VTI1B: variants seen among roughly 807,000 people sequenced by gnomAD.
The protein encoded by VTI1B is vesicle transport through interaction with t-SNAREs 1B, also known as vesicle transport through interaction with t-SNAREs homolog 1B.
A neutral mutation model predicts 28.6 loss-of-function variants in VTI1B; 18 were observed. That is an observed-to-expected ratio of 0.63 (90% CI 0.43 to 0.93). The LOEUF (loss-of-function observed/expected upper bound fraction) is 0.93, where lower values mean the gene tolerates loss of function less well. Ranked by LOEUF, VTI1B falls within the 40% of genes least tolerant of loss-of-function variation. The pLI is 0.00. For missense variants in VTI1B, 283 were observed against 297.0 expected (o/e 0.95, Z 0.35); for synonymous variants, 100 against 107.9 (o/e 0.93, Z 0.46).
At chr14:67,672,447 C>CTT (rs764198286) in intron 1 of VTI1B, among the ~76,000 whole-genome samples, 26,560 of 116,636 alleles carry the variant, frequency 0.23, 3,502 homozygotes, top group Non-Finnish European at 0.31. Flanking sequence ...CTTTTCTTTT[C>CTT]TTTTTTTTTT....
At chr14:67,665,259 C>CT (rs574618223) in intron 1 of VTI1B, among the ~76,000 whole-genome samples, 57,606 of 126,302 alleles carry the variant, frequency 0.46, 15,047 homozygotes, top group Non-Finnish European at 0.6. Context: ...TCAGTTATAT[C>CT]TTTTTTTTTT....
At chr14:67,673,094 TA>T (rs1471883917) in intron 1 of VTI1B, among the ~76,000 whole-genome samples, 2 of 152,182 alleles carry the variant, frequency 1.3e-5, no homozygotes, top group Non-Finnish European at 2.9e-5. Context: ...CCGCCCTATT[TA>T]AAACTGAAGT....
At position 67,662,614 on chromosome 14, in the gene VTI1B, A is replaced by G. The variant is rs1326002826; in HGVS notation, c.116-79T>C. 6 of 1,314,750 alleles carry G rather than the reference A, an allele frequency of 4.6e-6. No homozygotes were observed. The South Asian group carries it at 6.5e-5, about 14-fold the overall frequency. The allele number at this position is 1,314,750 out of a possible 1,614,324, so 81.4% of individuals were successfully genotyped here. ...AAGGCCATTCCCTCTGCTTCGAATA[A>G]GCTTCCTATGGCAGGGCCTGGTGGC... On this transcript the variant is annotated intron_variant, in intron 1 of 5. Coordinates refer to ENST00000554659, the MANE Select transcript of VTI1B (RefSeq NM_006370.3).
intron 1 of VTI1B, among the ~76,000 whole-genome samples, chr14:67,674,161 C>A (rs1366576774): frequency 6.6e-6 from 1 of 152,208 alleles, no homozygotes; most frequent in Non-Finnish European, 1.5e-5. Flanking sequence ...ATGTGGAAGG[C>A]CATAGAAGGA....
At position 67,674,620 on chromosome 14, in the gene VTI1B, C is replaced by T. The variant is rs963591349; in HGVS notation, c.-131G>A. On this transcript the variant is annotated 5_prime_UTR_variant, in exon 1 of 6. Coordinates refer to ENST00000554659, the MANE Select transcript of VTI1B (RefSeq NM_006370.3). Reference sequence around the variant, plus strand: ...CACCACCGCCGCCCAGGACGAGGCTCTTCCGGAGCCGCGGCAGGGTCCTCT... The same window carrying T: ...CACCACCGCCGCCCAGGACGAGGCTTTTCCGGAGCCGCGGCAGGGTCCTCT... 5 of 647,020 alleles carry T rather than the reference C, an allele frequency of 7.7e-6. No individual in the cohort carries two copies. Among genetic ancestry groups the T allele is most frequent in the African/African-American group, 3.9e-5 (2 of 51,846 alleles). The allele number at this position is 647,020 out of a possible 1,614,324, so 40.1% of individuals were successfully genotyped here. A position where few individuals can be genotyped will look rare whatever the true frequency, so the allele number is the denominator to read the frequency against.
chr14:67,664,563 C>A (rs2037377978), intron 1 of VTI1B, among the ~76,000 whole-genome samples: 1 of 150,858 alleles, frequency 6.6e-6, no homozygotes, highest in Non-Finnish European at 1.5e-5. Context: ...GTGGCTCGGT[C>A]TCGGTTCACT....
rs139440394 is a variant in VTI1B, at chr14:67,654,396, G to A, written c.541-898C>T. Among the ~76,000 whole-genome samples the A allele has an allele frequency of 2.2e-4, 34 of 152,202 alleles. 1 individual carries two copies. The East Asian group carries it at 5.8e-3, about 26-fold the overall frequency. The stretch of plus-strand genomic sequence containing the variant: ...AGGCTCAAGCCATCCTCCCACCTCA[G>A]CCTCCCAAAGTGCTAAAATTACAGG... On this transcript the variant is annotated intron_variant, in intron 4 of 5. Transcript: ENST00000554659.
chr14:67,670,337 A>C (rs117246228), intron 1 of VTI1B, among the ~76,000 whole-genome samples: 1,736 of 151,966 alleles, frequency 0.011, 17 homozygotes, highest in Non-Finnish European at 0.019. Context: ...CCCCTCTACT[A>C]CTACTTTCCC....
chr14:67,654,019 T>C (rs552431262), intron 4 of VTI1B, among the ~76,000 whole-genome samples: 1 of 152,348 alleles, frequency 6.6e-6, no homozygotes, highest in South Asian at 2.1e-4. Context: ...TCTGGACAGC[T>C]GGAGGATATT....
At chr14:67,671,832 G>T (rs1247146815) in intron 1 of VTI1B, among the ~76,000 whole-genome samples, 1 of 152,184 alleles carries the variant, frequency 6.6e-6, no homozygotes, top group African/African-American at 2.4e-5. Context: ...AGGCAAGCAA[G>T]AGAGGGCTGA....
rs377296379 is a variant in VTI1B, at chr14:67,664,923, G to A, written c.116-2388C>T. Among the ~76,000 whole-genome samples the A allele has an allele frequency of 3.5e-4, 54 of 152,272 alleles. No individual in the cohort carries two copies. In the South Asian group the frequency reaches 9.9e-3, roughly 28 times the overall value. On this transcript the variant is annotated intron_variant, in intron 1 of 5. Coordinates refer to ENST00000554659, the MANE Select transcript of VTI1B (RefSeq NM_006370.3). ...ACTCTGTTGCCCAGGCTGGAGTGCC[G>A]TGGCGTCATCTCAGCTCACTGCAAA... is the stretch of plus-strand genomic sequence containing the variant.
chr14:67,673,817 G>T (rs2037499023), intron 1 of VTI1B, among the ~76,000 whole-genome samples: 1 of 152,138 alleles, frequency 6.6e-6, no homozygotes, highest in African/African-American at 2.4e-5. Context: ...CCTGAATCAT[G>T]AAATTAAGGG....
chr14:67,667,814 G>A (rs908952423), intron 1 of VTI1B, among the ~76,000 whole-genome samples: 1 of 152,062 alleles, frequency 6.6e-6, no homozygotes, highest in Non-Finnish European at 1.5e-5. Flanking sequence ...CGTGGTGGTG[G>A]GCGCCTGTAG....
chr14:67,670,076 C>T (rs1015700106), intron 1 of VTI1B, among the ~76,000 whole-genome samples: 2 of 152,188 alleles, frequency 1.3e-5, no homozygotes, highest in African/African-American at 4.8e-5. Context: ...GCCTGGATGA[C>T]GGGAGACAGG....
intron 2 of VTI1B, chr14:67,660,214 T>G (rs1011334985): frequency 9.2e-6 from 2 of 216,556 alleles, no homozygotes; most frequent in Admixed American, 1.1e-4. Context: ...CTCCATTTAA[T>G]CCTCACAACA....
chr14:67,653,302 G>C, intron 5 of VTI1B, 135 bp downstream of exon 5: 1 of 644,060 alleles, frequency 1.6e-6, no homozygotes, highest in Non-Finnish European at 2.8e-6. Context: ...TGGTCTGCTG[G>C]GTGGTACTGA....
At position 67,664,067 on chromosome 14, in the gene VTI1B, A is replaced by G. The variant is rs760108771; in HGVS notation, c.116-1532T>C. Among the ~76,000 whole-genome samples the G allele has an allele frequency of 5.1e-4, 77 of 152,220 alleles. 1 individual carries two copies. Among genetic ancestry groups the G allele is most frequent in the Non-Finnish European group, 9.6e-4 (65 of 68,040 alleles). On this transcript the variant is annotated intron_variant, in intron 1 of 5. Coordinates refer to ENST00000554659, the MANE Select transcript of VTI1B (RefSeq NM_006370.3). The stretch of plus-strand genomic sequence containing the variant: ...ACACATAATCTACTTATCACCATAA[A>G]GTTACCATCATTTACAATGTTTGTT...
At position 67,648,360 on chromosome 14, in the gene VTI1B, C is replaced by A; in HGVS notation, c.*3025G>T. ...TAAAAAGGATATAGTCCTTTAGAGT[C>A]ATGCTTGGACATGGCTCTTACCAAA... On this transcript the variant is annotated 3_prime_UTR_variant, in exon 6 of 6. Transcript: ENST00000554659. The A allele has an allele frequency of 1.8e-6, 1 of 562,960 alleles. No individual in the cohort carries two copies. The highest frequency in any genetic ancestry group is 2.9e-6 in the Non-Finnish European group (1 of 349,364). The allele number at this position is 562,960 out of a possible 1,614,324, so 34.9% of individuals were successfully genotyped here.
At chr14:67,658,602 AAAT>A (rs956470837) in intron 3 of VTI1B, among the ~76,000 whole-genome samples, 9 of 152,338 alleles carry the variant, frequency 5.9e-5, no homozygotes, top group Admixed American at 3.3e-4. Flanking sequence ...GTCTCAAAAA[AAAT>A]AATAATAATT....
Sources: allele counts gnomAD v4.1 joint callset (sites outside exome capture counted in the v4.1 genomes callset), GRCh38; gene constraint gnomAD v4.1.1; transcripts MANE v1.5; gene names NCBI Gene and HGNC (gene_info 2026-07-23, HGNC 2026-07-21).